LPIN1: variants seen among roughly 807,000 people sequenced by gnomAD.
LPIN1 encodes phosphatidate phosphatase LPIN1.
In LPIN1, 71 loss-of-function variants were observed where a neutral mutation model predicts 107.5. The ratio of observed to expected loss-of-function variants is 0.66; its 90% CI spans 0.55 to 0.80. The LOEUF is 0.80. Among genes scored for constraint, LPIN1 ranks in the 30% least tolerant of loss-of-function variants. The pLI is 0.00. For missense variants in LPIN1, 1,043 were observed against 1,160.6 expected, an observed-to-expected ratio of 0.90 and a Z score of 1.47; for synonymous variants, 445 against 452.6, an observed-to-expected ratio of 0.98 and a Z score of 0.21.
rs1055002133 is a variant in LPIN1 at position 11,765,922 on chromosome 2, C to G, written c.192+189C>G. 6.6e-6 allele frequency among the ~76,000 whole-genome samples: 1 copy of G among 152,180 alleles called. No individual in the cohort carries two copies. The highest frequency in any genetic ancestry group is 6.5e-5 in the Admixed American group (1 of 15,286). ...AGTATGGCTGTGTAAATTAAAGTGC[C>G]GTGGCACACACCACTGTTTATTAAG... On this transcript the variant is annotated intron_variant, in intron 2 of 20. Coordinates refer to ENST00000674199, the MANE Select transcript of LPIN1 (RefSeq NM_001349206.2). The surrounding 1 kb of genome is among the most constrained non-coding windows in gnomAD (Gnocchi z 4.4).
intron 2 of LPIN1, among the ~76,000 whole-genome samples, chr2:11,714,432 C>T (rs1663600217): frequency 6.6e-6 from 1 of 152,224 alleles, no homozygotes; most frequent in Non-Finnish European, 1.5e-5. Context: ...TCACTACCCT[C>T]ACTCCTCAAA....
upstream of LPIN1, among the ~76,000 whole-genome samples, chr2:11,720,252 A>C (rs1664033130): frequency 6.6e-6 from 1 of 152,132 alleles, no homozygotes; most frequent in African/African-American, 2.4e-5. Context: ...TTTTATTATG[A>C]TGAATATCTT....
upstream of LPIN1, chr2:11,722,559 AG>A (rs1291548476): frequency 2.0e-5 from 3 of 152,208 alleles, no homozygotes; most frequent in African/African-American, 7.2e-5. Flanking sequence ...TCAGGCTAAT[AG>A]GTGTGTATTT....
intron 1 of LPIN1, among the ~76,000 whole-genome samples, chr2:11,712,048 T>G (rs1030061880): frequency 1.3e-5 from 2 of 152,350 alleles, no homozygotes; most frequent in East Asian, 3.9e-4. Context: ...ACTGGCCGGC[T>G]TAGAGCACAA....
At chr2:11,756,639 C>T (rs971151202) in intron 1 of LPIN1, among the ~76,000 whole-genome samples, 2 of 152,256 alleles carry the variant, frequency 1.3e-5, no homozygotes, top group South Asian at 2.1e-4. Context: ...TCAGGTGATC[C>T]GCCCTCCTTG....
chr2:11,717,590 A>G (rs1319330124), intron 2 of LPIN1, among the ~76,000 whole-genome samples: 1 of 151,412 alleles, frequency 6.6e-6, no homozygotes, highest in East Asian at 1.9e-4. Flanking sequence ...CCTTGTTACC[A>G]TTGGAATCTA....
chr2:11,691,610 G>A (rs6432233), intron 1 of LPIN1, among the ~76,000 whole-genome samples: 4 of 151,976 alleles, frequency 2.6e-5, no homozygotes, highest in Admixed American at 2.0e-4. Context: ...GTTGGAGCCC[G>A]GCTATGTCAT....
intron 1 of LPIN1, among the ~76,000 whole-genome samples, chr2:11,702,554 C>T (rs979643073): frequency 5.3e-5 from 8 of 152,166 alleles, no homozygotes; most frequent in African/African-American, 1.2e-4. Flanking sequence ...TGAGACAACG[C>T]GGATGCTTGA....
rs116070896 is a variant in LPIN1 at position 11,824,335 on chromosome 2, G to C, written c.2622-297G>C. ...CAGCAGGCGCTATCCCATGGCCATG[G>C]TGACTTCCTCCTGCCGTCTTTTGCT... On this transcript the variant is annotated intron_variant, in intron 20 of 20. Coordinates refer to ENST00000674199, the MANE Select transcript of LPIN1 (RefSeq NM_001349206.2). Among the ~76,000 whole-genome samples the C allele has an allele frequency of 0.012, 1,888 of 151,262 alleles. 50 individuals are homozygous for C. The highest frequency in any genetic ancestry group is 0.043 in the African/African-American group (1,784 of 41,180).
chr2:11,682,514 C>T (rs1358442605), intron 1 of LPIN1: 1 of 152,460 alleles, frequency 6.6e-6, no homozygotes, highest in Non-Finnish European at 1.5e-5. Flanking sequence ...AGTTCAAATG[C>T]CTCCATCTCC....
At chr2:11,782,090 A>G (rs1462040922) in intron 7 of LPIN1, 111 bp from the exon 8 acceptor site, 3 of 849,990 alleles carry the variant, frequency 3.5e-6, no homozygotes, top group Non-Finnish European at 6.0e-6. Context: ...TTGAGGCTTA[A>G]AAGTCCCTGC....
At chr2:11,690,213 G>A (rs993079196) in intron 1 of LPIN1, among the ~76,000 whole-genome samples, 1 of 152,080 alleles carries the variant, frequency 6.6e-6, no homozygotes, top group African/African-American at 2.4e-5. Context: ...TGATTTCATG[G>A]TTCTTCTAGG....
At chr2:11,740,431 C>A (rs62113303) in intron 1 of LPIN1, among the ~76,000 whole-genome samples, 32,104 of 151,888 alleles carry the variant, frequency 0.21, 4,390 homozygotes, top group African/African-American at 0.39. Context: ...ATAACTTCCC[C>A]GCACTTTGCG....
At chr2:11,790,043 C>T (rs1675442895) in intron 12 of LPIN1, among the ~76,000 whole-genome samples, 1 of 152,068 alleles carries the variant, frequency 6.6e-6, no homozygotes, top group African/African-American at 2.4e-5. Context: ...TGAAGATAGG[C>T]CCTATATTTT....
intron 10 of LPIN1, 72 bp from the exon 11 acceptor site, chr2:11,787,002 T>A: frequency 2.0e-6 from 2 of 997,106 alleles, no homozygotes; most frequent in Non-Finnish European, 3.2e-6. Context: ...AGTGAGCAAA[T>A]GAAAGGTAGG....
chr2:11,778,057 G>A (rs1201042692), intron 6 of LPIN1, among the ~76,000 whole-genome samples: 3 of 152,168 alleles, frequency 2.0e-5, no homozygotes, highest in South Asian at 2.1e-4. Context: ...CCACCAAAGC[G>A]TTGTCTCTTT....
At chr2:11,684,165 G>A (rs1661876314) in intron 1 of LPIN1, among the ~76,000 whole-genome samples, 1 of 152,160 alleles carries the variant, frequency 6.6e-6, no homozygotes, top group African/African-American at 2.4e-5. Context: ...TTCTGGAGCT[G>A]GAGCCCCCAC....
At chr2:11,789,452 A>G (rs966493075) in intron 12 of LPIN1, among the ~76,000 whole-genome samples, 1 of 149,406 alleles carries the variant, frequency 6.7e-6, no homozygotes, top group Non-Finnish European at 1.5e-5. Context: ...GTGCATGTGT[A>G]TATGTGTGGA....
chr2:11,693,204 T>C (rs899755903), intron 1 of LPIN1, among the ~76,000 whole-genome samples: 1 of 100,070 alleles, frequency 1.0e-5, no homozygotes, highest in Non-Finnish European at 1.7e-5. Flanking sequence ...CTGAACAACA[T>C]TTTTTTTTTT....
Sources: allele counts gnomAD v4.1 joint callset (sites outside exome capture counted in the v4.1 genomes callset), GRCh38; gene constraint gnomAD v4.1.1; non-coding constraint Gnocchi (gnomAD v3.1); transcripts MANE v1.5; gene names NCBI Gene and HGNC (gene_info 2026-07-23, HGNC 2026-07-21).